DRC1: variants seen among roughly 807,000 people sequenced by gnomAD.
The protein encoded by DRC1 is dynein regulatory complex protein 1.
DRC1 carries 74 observed loss-of-function variants against 98.7 expected under a neutral mutation model. The observed-to-expected ratio is 0.75, with a 90% CI of 0.62 to 0.91. DRC1 has a LOEUF of 0.91. Ranked by LOEUF, DRC1 falls within the 40% of genes least tolerant of loss-of-function variation. The pLI is 0.00. For synonymous variants in DRC1, 336 were observed against 334.1 expected (o/e 1.01, Z -0.06); for missense variants, 875 against 886.0 (o/e 0.99, Z 0.16).
Position 26,448,749 on chromosome 2 carries a change from G to C in DRC1, c.1455G>C (p.Lys485Asn), listed in dbSNP as rs1663925237. The C allele has an allele frequency of 6.2e-7, 1 of 1,614,244 alleles. No homozygotes were observed. Among genetic ancestry groups the C allele is most frequent in the African/African-American group, 1.3e-5 (1 of 75,064 alleles). Residue 485 changes from lysine (K) to asparagine (N), a missense_variant, in exon 11 of 17, where the codon AAG becomes AAC. By Grantham distance (94) the Lys-to-Asn change is moderately conservative (BLOSUM62 0). Transcript: ENST00000288710. ...CAGAGTCCTACCTGGATTTGCCGAA[G>C]CAAATTTCTGAAAAAACTACCAAGA... Reference protein sequence around the residue: ...AEPESYLDLPKQISEKTTKRI... With the variant: ...AEPESYLDLPNQISEKTTKRI...
intron 10 of DRC1, chr2:26,448,247 C>A: frequency 2.6e-6 from 1 of 385,358 alleles, no homozygotes; most frequent in South Asian, 2.0e-5. Context: ...AAAAAATTAT[C>A]TGTGAATGTG....
chr2:26,423,446 C>CAG (rs1013306625), intron 3 of DRC1, among the ~76,000 whole-genome samples: 3 of 152,112 alleles, frequency 2.0e-5, no homozygotes, highest in African/African-American at 7.2e-5. Flanking sequence ...TTACAAGGAG[C>CAG]AGAGAGTCTC....
chr2:26,413,166 T>C (rs1378262050), intron 1 of DRC1, among the ~76,000 whole-genome samples: 1 of 152,252 alleles, frequency 6.6e-6, no homozygotes, highest in South Asian at 2.1e-4. Flanking sequence ...TGTGGACATC[T>C]TTCCCTGCTG....
intron 7 of DRC1, among the ~76,000 whole-genome samples, chr2:26,434,213 C>T (rs1663508978): frequency 6.6e-6 from 1 of 151,938 alleles, no homozygotes; most frequent in Non-Finnish European, 1.5e-5. Flanking sequence ...GGGTAAAGTA[C>T]AAGAAGTAAA....
intron 13 of DRC1, among the ~76,000 whole-genome samples, chr2:26,452,930 G>A (rs1265344764): frequency 2.0e-5 from 3 of 152,182 alleles, no homozygotes; most frequent in Non-Finnish European, 4.4e-5. Flanking sequence ...GATAGCATTC[G>A]TTTGCCTGTG....
At chr2:26,410,996 C>A (rs1040183791) in intron 1 of DRC1, among the ~76,000 whole-genome samples, 8 of 152,212 alleles carry the variant, frequency 5.3e-5, no homozygotes, top group Non-Finnish European at 1.2e-4. Context: ...CCCAGGTAGA[C>A]AATCAACCAA....
intron 10 of DRC1, 23 bp from the exon 11 acceptor site, chr2:26,448,668 T>C: frequency 1.9e-6 from 3 of 1,609,308 alleles, no homozygotes; most frequent in Non-Finnish European, 2.6e-6. Flanking sequence ...TCTTTCTCTC[T>C]CCTCCCCATG....
At chr2:26,410,293 C>T (rs762361320) in intron 1 of DRC1, among the ~76,000 whole-genome samples, 186 of 143,646 alleles carry the variant, frequency 1.3e-3, no homozygotes, top group African/African-American at 4.5e-3. Context: ...AATTTTGATA[C>T]GGAGTTTCAC....
chr2:26,410,784 G>A (rs907525338), intron 1 of DRC1, among the ~76,000 whole-genome samples: 2 of 152,024 alleles, frequency 1.3e-5, no homozygotes, highest in African/African-American at 4.8e-5. Context: ...TGAGAATAAA[G>A]AGAAAGGGCC....
chr2:26,439,206 C>T (rs1476359546), intron 7 of DRC1, among the ~76,000 whole-genome samples: 2 of 152,200 alleles, frequency 1.3e-5, no homozygotes, highest in East Asian at 1.9e-4. Flanking sequence ...CTCTCTAGAG[C>T]GCTCTCCCTT....
At chr2:26,410,389 G>C (rs1395704892) in intron 1 of DRC1, among the ~76,000 whole-genome samples, 1 of 151,152 alleles carries the variant, frequency 6.6e-6, no homozygotes, top group Non-Finnish European at 1.5e-5. Flanking sequence ...CTCCTGCCTT[G>C]GCCTCCCAAA....
intron 4 of DRC1, among the ~76,000 whole-genome samples, chr2:26,427,227 C>T (rs571419796): frequency 6.6e-6 from 1 of 152,242 alleles, no homozygotes; most frequent in Non-Finnish European, 1.5e-5. Flanking sequence ...AGTGATCCTC[C>T]TGCCTCAGCC....
chr2:26,454,907 C>G lies in DRC1; in HGVS notation c.2063+117C>G. 1 of 1,520,740 alleles carries G rather than the reference C, an allele frequency of 6.6e-7. No individual in the cohort carries two copies. The highest frequency in any genetic ancestry group is 1.2e-5 in the South Asian group (1 of 81,722). 94.2% of individuals were successfully genotyped at this position (1,520,740 alleles called of 1,614,324 possible). On this transcript the variant is annotated intron_variant, in intron 15 of 16. Coordinates refer to ENST00000288710, the MANE Select transcript of DRC1 (RefSeq NM_145038.5). This position sits in a 1 kb window ranked among gnomAD's most constrained non-coding sequence, Gnocchi z 5.2. ...CTGAACCTGGGAGGGAAGAGCTGCC[C>G]TTGGCATCTCCTGTGTGGGTGGATC...
At chr2:26,417,182 A>G (rs1678835295) in intron 2 of DRC1, among the ~76,000 whole-genome samples, 1 of 152,166 alleles carries the variant, frequency 6.6e-6, no homozygotes, top group Non-Finnish European at 1.5e-5. Flanking sequence ...GGGACAAAAG[A>G]TCGAAACTAT....
chr2:26,410,683 T>C (rs930520193), intron 1 of DRC1, among the ~76,000 whole-genome samples: 1 of 152,214 alleles, frequency 6.6e-6, no homozygotes, highest in East Asian at 1.9e-4. Context: ...GTCTCAGACC[T>C]GAAGATCATG....
chr2:26,413,957 A>C lies in DRC1; in HGVS notation c.156-387A>C, dbSNP rs368712132. ...TAAATGATAGAGATAGTGTCTCTCTATGTTGCCCAGGCTGGTCTCAAACTC... is the reference window on the plus strand; with the variant it reads ...TAAATGATAGAGATAGTGTCTCTCTCTGTTGCCCAGGCTGGTCTCAAACTC... On this transcript the variant is annotated intron_variant, in intron 1 of 16. Transcript: ENST00000288710. Among the ~76,000 whole-genome samples, 916 of 151,902 alleles carry C rather than the reference A, an allele frequency of 6.0e-3. 7 individuals carry two copies. Among genetic ancestry groups the C allele is most frequent in the African/African-American group, 0.021 (881 of 41,458 alleles).
chr2:26,412,041 A>G (rs1678626315), intron 1 of DRC1, among the ~76,000 whole-genome samples: 2 of 152,202 alleles, frequency 1.3e-5, no homozygotes, highest in Admixed American at 1.3e-4. Flanking sequence ...TTTACTTGGT[A>G]AGAAAACAAA....
At chr2:26,407,147 C>A (rs1459655125) in intron 1 of DRC1, among the ~76,000 whole-genome samples, 2 of 151,884 alleles carry the variant, frequency 1.3e-5, no homozygotes, top group African/African-American at 2.4e-5. Context: ...GGTAAAGATG[C>A]GAGATGGAAC....
intron 10 of DRC1, 188 bp from the exon 11 acceptor site, chr2:26,448,503 C>G: frequency 1.4e-6 from 1 of 714,554 alleles, no homozygotes; most frequent in Admixed American, 2.0e-5. Context: ...CTGATTCCGA[C>G]CCCCTAGCCC....
Sources: allele counts gnomAD v4.1 joint callset (sites outside exome capture counted in the v4.1 genomes callset), GRCh38; gene constraint gnomAD v4.1.1; non-coding constraint Gnocchi (gnomAD v3.1); transcripts MANE v1.5; gene names NCBI Gene and HGNC (gene_info 2026-07-23, HGNC 2026-07-21).